WFS1: variants seen among roughly 807,000 people sequenced by gnomAD.
The protein encoded by WFS1 is wolframin.
In WFS1, 90 loss-of-function variants were observed where a neutral mutation model predicts 68.5. The observed-to-expected ratio is 1.31, with a 90% confidence interval of 1.11 to 1.56. WFS1 has a LOEUF of 1.56. Among genes scored for constraint, WFS1 ranks in the 40% most tolerant of loss-of-function variants. The probability of loss-of-function intolerance (pLI) is 0.00; values close to 1 mark genes in which losing one functional copy is unlikely to be tolerated. For synonymous variants in WFS1, 860 were observed against 540.7 expected, an observed-to-expected ratio of 1.59 and a Z score of -8.19; for missense variants, 1,767 against 1,232.6, an observed-to-expected ratio of 1.43 and a Z score of -6.49.
rs536378618 is a variant in WFS1, at chr4:6,301,253, G to C, written c.1458G>C (p.Gln486His). Residue 486 changes from glutamine to histidine, a missense_variant, in exon 8 of 8, where the codon CAG (glutamine) becomes CAC (histidine). Transcript: ENST00000226760. ...LNWPYLKVLG[Q>H]TFITVPVGHL... The stretch of plus-strand genomic sequence containing the variant: ...GGCCCTACCTGAAGGTCCTTGGCCA[G>C]ACCTTCATCACCGTGCCTGTCGGCC... 8 of 1,611,450 alleles carry C rather than the reference G, an allele frequency of 5.0e-6. No individual in the cohort carries two copies. The highest frequency in any genetic ancestry group is 2.2e-5 in the East Asian group (1 of 44,880).
At chr4:6,295,618 G>C (rs1406494270) in intron 7 of WFS1, among the ~76,000 whole-genome samples, 1 of 152,232 alleles carries the variant, frequency 6.6e-6, no homozygotes, top group Non-Finnish European at 1.5e-5. Flanking sequence ...TCAGGCCAGG[G>C]AGGACGTGCA....
In WFS1 at chr4:6,302,750, A is replaced by G. The variant is rs1336114343; in HGVS notation, c.*282A>G. ...CATGGGTGTGCCAGGCTAGACTAGG[A>G]GGTTCCGGTGTCTGGAAAAGCACTT... On this transcript the variant is annotated 3_prime_UTR_variant, in exon 8 of 8. Transcript: ENST00000226760. The G allele has an allele frequency of 1.8e-6, 1 of 551,746 alleles. No homozygotes were observed. The highest frequency in any genetic ancestry group is 3.2e-6 in the Non-Finnish European group (1 of 312,020). 34.2% of individuals were successfully genotyped at this position (551,746 alleles called of 1,614,324 possible).
Position 6,283,977 on chromosome 4 carries a change from C to T in WFS1, c.233-3116C>T, listed in dbSNP as rs1198241536. Among the ~76,000 whole-genome samples the T allele has an allele frequency of 2.0e-5, 3 of 151,918 alleles. No individual in the cohort carries two copies. Among genetic ancestry groups the T allele is most frequent in the Admixed American group, 6.6e-5 (1 of 15,262 alleles). ...ATGCTGGGATTTGCCTTTGAGCCCA[C>T]GAAGGCTCCTACTTCATGGACTGAG... On this transcript the variant is annotated intron_variant, in intron 2 of 7. Coordinates refer to ENST00000226760, the MANE Select transcript of WFS1 (RefSeq NM_006005.3). This position sits in a 1 kb window ranked among gnomAD's most constrained non-coding sequence, Gnocchi z 5.0.
In WFS1 at chr4:6,302,029, G is replaced by C. The variant is rs1431418290; in HGVS notation, c.2234G>C (p.Gly745Ala). Residue 745 changes from glycine to alanine, a missense_variant, in exon 8 of 8, where the codon GGC (glycine) becomes GCC (alanine). Gly to Ala is a moderately conservative substitution (Grantham distance 60). Coordinates refer to ENST00000226760, the MANE Select transcript of WFS1 (RefSeq NM_006005.3). The stretch of plus-strand genomic sequence containing the variant: ...GAGGCCTACCCTGCCTGCAGCCCTG[G>C]CAACACCTCCACGGCCGAGGAGGAG... ...YGEAYPACSPGNTSTAEEELC... is the reference protein window; with the variant it reads ...YGEAYPACSPANTSTAEEELC... The C allele has an allele frequency of 3.1e-6, 5 of 1,612,614 alleles. No homozygotes were observed. Among genetic ancestry groups the C allele is most frequent in the African/African-American group, 2.7e-5 (2 of 74,932 alleles).
Position 6,287,204 on chromosome 4 carries a change from C to G in WFS1, c.315+29C>G, listed in dbSNP as rs377022385. The G allele has an allele frequency of 2.9e-5, 44 of 1,541,970 alleles. No individual in the cohort carries two copies. The African/African-American group carries it at 5.3e-4, about 19-fold the overall frequency. ...AGGACTGCGGTGCCGGCAGGGACTT[C>G]GGGACGCGGCCCCCGGCACAACAGG... On this transcript the variant is annotated intron_variant, in intron 3 of 7. Coordinates refer to ENST00000226760, the MANE Select transcript of WFS1 (RefSeq NM_006005.3). The surrounding 1 kb of genome is among the most constrained non-coding windows in gnomAD (Gnocchi z 6.4).
chr4:6,294,719 A>T, intron 6 of WFS1: 1 of 391,116 alleles, frequency 2.6e-6, no homozygotes, highest in Non-Finnish European at 4.9e-6. Context: ...AAGGCTTGGC[A>T]GGTGAACTGG....
chr4:6,294,774 G>A (rs1578600641), intron 6 of WFS1: 1 of 496,306 alleles, frequency 2.0e-6, no homozygotes, highest in East Asian at 3.8e-5. Context: ...GAGCTAGGCA[G>A]AGAGGGACAC....
rs1033692531 is a variant in WFS1, at chr4:6,301,584, A to C, written c.1789A>C (p.Ile597Leu). 6.2e-7 allele frequency: 1 copy of C among 1,614,108 alleles called. No individual in the cohort carries two copies. Among genetic ancestry groups the C allele is most frequent in the African/African-American group, 1.3e-5 (1 of 75,034 alleles). ...GTTCACGTCTCTGGAGCTCACCAAGATCGCAGTCACCGTGGCGGTCTGTAG... is the reference window on the plus strand; with the variant it reads ...GTTCACGTCTCTGGAGCTCACCAAGCTCGCAGTCACCGTGGCGGTCTGTAG... ...RWFTSLELTK[I>L]AVTVAVCSVP... is the part of the protein sequence containing the mutation. Residue 597 changes from isoleucine (I) to leucine (L), a missense_variant, in exon 8 of 8, where the codon ATC (isoleucine) becomes CTC (leucine). By Grantham distance (5) the Ile-to-Leu change is conservative. Coordinates refer to ENST00000226760, the MANE Select transcript of WFS1 (RefSeq NM_006005.3).
chr4:6,277,416 G>T (rs1730025932), intron 1 of WFS1, 35 bp from the exon 2 acceptor site: 8 of 1,543,224 alleles, frequency 5.2e-6, no homozygotes, highest in African/African-American at 1.4e-5. Context: ...GGCTCTGCCG[G>T]TGCTGGATGT....
intron 1 of WFS1, among the ~76,000 whole-genome samples, chr4:6,273,855 C>T (rs2109105481): frequency 6.6e-6 from 1 of 152,336 alleles, no homozygotes; most frequent in African/African-American, 2.4e-5. Flanking sequence ...AATTAATCCT[C>T]CTGTATTCAT....
rs557048986 is a variant in WFS1, at chr4:6,302,227, A to G, written c.2432A>G (p.Lys811Arg). The G allele has an allele frequency of 2.9e-5, 47 of 1,609,954 alleles. No individual in the cohort carries two copies. In the Admixed American group the frequency reaches 6.7e-4, roughly 23 times the overall value. ...GTGCTGCGGGCCAGCAGCGAGTTCA[A>G]GAGCGTGCTGCTCAGCCTGCGCCAG... ...DIVLRASSEFKSVLLSLRQGS... is the reference protein window; with the variant it reads ...DIVLRASSEFRSVLLSLRQGS... Residue 811 changes from lysine to arginine, a missense_variant, in exon 8 of 8, where the codon AAG becomes AGG. Physicochemically the swap from Lys to Arg is conservative, Grantham distance 26. Coordinates refer to ENST00000226760, the MANE Select transcript of WFS1 (RefSeq NM_006005.3).
At chr4:6,270,892 G>T (rs1729818871) in intron 1 of WFS1, among the ~76,000 whole-genome samples, 1 of 152,218 alleles carries the variant, frequency 6.6e-6, no homozygotes, top group Non-Finnish European at 1.5e-5. Context: ...AGCAGGGTTT[G>T]GTGCCAGCCC....
In WFS1 at chr4:6,302,279, C is replaced by T. The variant is rs779957380; in HGVS notation, c.2484C>T (p.Ile828=). 2 of 1,605,850 alleles carry T rather than the reference C, an allele frequency of 1.2e-6. No homozygotes were observed. Among genetic ancestry groups the T allele is most frequent in the Admixed American group, 3.3e-5 (2 of 59,904 alleles). The part of the protein sequence containing the change: ...RQGSLIEFST[I]LEGRLGSKWP... ...GCAGCCTCATCGAGTTCAGCACCATCCTGGAGGGCCGCCTGGGCAGCAAGT... is the reference window on the plus strand; with the variant it reads ...GCAGCCTCATCGAGTTCAGCACCATTCTGGAGGGCCGCCTGGGCAGCAAGT... Residue 828 remains isoleucine, a synonymous_variant, in exon 8 of 8, where the codon ATC becomes ATT. Transcript: ENST00000226760.
rs1200601453 is a variant in WFS1 at position 6,289,124 on chromosome 4, C to T, written c.453C>T (p.Asp151=). 1 of 1,577,490 alleles carries T rather than the reference C, an allele frequency of 6.3e-7. No individual in the cohort carries two copies. Among genetic ancestry groups the T allele is most frequent in the South Asian group, 1.2e-5 (1 of 85,984 alleles). The change falls in exon 4 of 8, where the codon GAC becomes GAT. Residue 151 remains aspartate, a synonymous_variant. Transcript: ENST00000226760. ...AVKLLRRCLA[D]RRGITSENER... ...AGCTGCTTCGCCGGTGCTTGGCGGA[C>T]AGAAGAGGTGGGTCTGTGTGAGGCT...
intron 2 of WFS1, among the ~76,000 whole-genome samples, chr4:6,285,310 AG>A (rs1730283745): frequency 7.1e-6 from 1 of 140,932 alleles, no homozygotes; most frequent in African/African-American, 2.7e-5. Context: ...GCCTCTAGGG[AG>A]GGGTACATCC....
chr4:6,288,108 T>G (rs187865088), intron 3 of WFS1, among the ~76,000 whole-genome samples: 4 of 151,868 alleles, frequency 2.6e-5, no homozygotes, highest in African/African-American at 9.7e-5. Flanking sequence ...TCCCAGCTAC[T>G]TGGGAGGCTG....
chr4:6,270,337 C>T (rs1729764810), intron 1 of WFS1, among the ~76,000 whole-genome samples: 1 of 151,388 alleles, frequency 6.6e-6, no homozygotes, highest in South Asian at 2.1e-4. Context: ...GGGCAGGCCC[C>T]CTCCCCGCGC....
intron 1 of WFS1, 144 bp from the exon 2 acceptor site, chr4:6,277,307 C>G: frequency 1.3e-6 from 1 of 793,502 alleles, no homozygotes; most frequent in South Asian, 1.6e-5. Context: ...CCCATGGGGA[C>G]TGTACTGAGT....
intron 2 of WFS1, among the ~76,000 whole-genome samples, chr4:6,282,238 G>GT (rs1475166510): frequency 6.6e-6 from 1 of 152,256 alleles, no homozygotes; most frequent in Non-Finnish European, 1.5e-5. Flanking sequence ...CATTGTCAGT[G>GT]TCACAGAGGC....
Sources: gnomAD v4.1 joint callset for allele counts (sites outside exome capture counted in the v4.1 genomes callset) on GRCh38, gnomAD v4.1.1 for gene constraint, Gnocchi (gnomAD v3.1) non-coding constraint, MANE v1.5 for transcripts, NCBI Gene and HGNC (gene_info 2026-07-23, HGNC 2026-07-21) for gene names.